ANO10: variants seen among roughly 807,000 people sequenced by gnomAD.
ANO10 encodes the protein anoctamin 10.
In ANO10, 77 loss-of-function variants were observed where a neutral mutation model predicts 74.7. The observed-to-expected ratio is 1.03, with a 90% confidence interval of 0.86 to 1.25. The LOEUF (loss-of-function observed/expected upper bound fraction) is 1.25, where lower values mean the gene tolerates loss of function less well. ANO10 is among the 50% of genes most tolerant of loss of function. The pLI is 0.00. For synonymous variants in ANO10, 279 were observed against 284.9 expected, an observed-to-expected ratio of 0.98 and a Z score of 0.21; for missense variants, 721 against 778.1, an observed-to-expected ratio of 0.93 and a Z score of 0.87.
chr3:43,660,385 TGAAGA>T (rs1190377065), intron 1 of ANO10, among the ~76,000 whole-genome samples: 1 of 151,846 alleles, frequency 6.6e-6, no homozygotes, highest in East Asian at 1.9e-4. Flanking sequence ...GAAAAATAAG[TGAAGA>T]GAAGAGCTTA....
rs756341290 is a variant in ANO10, at chr3:43,432,736, A to G, written c.1798-9T>C. 6.4e-7 allele frequency: 1 copy of G among 1,563,402 alleles called. No homozygotes were observed. The highest frequency in any genetic ancestry group is 8.8e-7 in the Non-Finnish European group (1 of 1,134,068). On this transcript the variant is annotated splice_polypyrimidine_tract_variant and intron_variant, in intron 11 of 12. Transcript: ENST00000292246. ...AAAGCCAGGAGTGCGTGCTGAAAAC[A>G]AGAAAGAGTACATGTTGATGTGATA...
chr3:43,683,758 C>G (rs1472024474), intron 1 of ANO10, among the ~76,000 whole-genome samples: 2 of 151,948 alleles, frequency 1.3e-5, no homozygotes, highest in East Asian at 3.9e-4. Flanking sequence ...CAGAACAGAG[C>G]CCTCAGAAAT....
At chr3:43,392,622 A>T (rs1228951783) in intron 12 of ANO10, among the ~76,000 whole-genome samples, 5 of 152,204 alleles carry the variant, frequency 3.3e-5, no homozygotes, top group African/African-American at 4.8e-5. Flanking sequence ...TATGTGAGTA[A>T]ATCTAAGGGA....
chr3:43,555,502 T>C, intron 9 of ANO10, 33 bp from the exon 10 acceptor site: 1 of 1,592,844 alleles, frequency 6.3e-7, no homozygotes, highest in Non-Finnish European at 8.6e-7. Flanking sequence ...ATTATTTTAA[T>C]ATCATACAAT....
chr3:43,451,862 T>G (rs542477167), intron 11 of ANO10, among the ~76,000 whole-genome samples: 114 of 152,242 alleles, frequency 7.5e-4, no homozygotes, highest in African/African-American at 2.6e-3. Flanking sequence ...CACAAAAGAT[T>G]TTTGGAACTC....
In ANO10 at chr3:43,518,176, G is replaced by A. The variant is rs548621359; in HGVS notation, c.1797+31544C>T. 5.3e-5 allele frequency among the ~76,000 whole-genome samples: 8 copies of A among 152,230 alleles called. No homozygotes were observed. In the South Asian group the frequency reaches 1.7e-3, roughly 32 times the overall value. On this transcript the variant is annotated intron_variant, in intron 11 of 12. Coordinates refer to ENST00000292246, the MANE Select transcript of ANO10 (RefSeq NM_018075.5). ...GGGACCTGCTGAAGCTGTGACAGAAGAACATAAATTGTGAAGATTTCATGG... is the reference window on the plus strand; with the variant it reads ...GGGACCTGCTGAAGCTGTGACAGAAAAACATAAATTGTGAAGATTTCATGG...
In ANO10 at chr3:43,366,833, C is replaced by T. The variant is rs774571169; in HGVS notation, c.*73G>A. ...GGAGCCACGATGCTGCCCCGGGTAC[C>T]CCCCCTGCCACCGTGGCAGGTGTGG... On this transcript the variant is annotated 3_prime_UTR_variant, in exon 13 of 13. Transcript: ENST00000292246. 2.0e-5 allele frequency: 29 copies of T among 1,462,638 alleles called. No individual in the cohort carries two copies. Among genetic ancestry groups the T allele is most frequent in the African/African-American group, 2.8e-5 (2 of 71,122 alleles). 90.6% of individuals were successfully genotyped at this position (1,462,638 alleles called of 1,614,324 possible).
chr3:43,655,172 T>C (rs1481672228), intron 1 of ANO10, among the ~76,000 whole-genome samples: 1 of 152,230 alleles, frequency 6.6e-6, no homozygotes, highest in Non-Finnish European at 1.5e-5. Flanking sequence ...TTTCACTCTT[T>C]ACAGGTAATA....
chr3:43,666,596 ATATC>A (rs2083995509), intron 1 of ANO10, among the ~76,000 whole-genome samples: 1 of 152,186 alleles, frequency 6.6e-6, no homozygotes, highest in Admixed American at 6.5e-5. Context: ...TCAATCATAG[ATATC>A]TATCAATATT....
chr3:43,547,884 CA>C (rs1003878205), intron 11 of ANO10, among the ~76,000 whole-genome samples: 10 of 152,254 alleles, frequency 6.6e-5, no homozygotes, highest in Non-Finnish European at 8.8e-5. Context: ...GGGCAAAAAT[CA>C]AGATGTAGAC....
chr3:43,496,620 T>G (rs1037817006), intron 11 of ANO10, among the ~76,000 whole-genome samples: 6 of 152,072 alleles, frequency 3.9e-5, no homozygotes, highest in East Asian at 3.9e-4. Context: ...ATATATTTTT[T>G]GGGGGTGGGG....
intron 10 of ANO10, among the ~76,000 whole-genome samples, chr3:43,551,319 T>A (rs955859836): frequency 6.6e-6 from 1 of 152,250 alleles, no homozygotes; most frequent in African/African-American, 2.4e-5. Flanking sequence ...ACCAGCAGCA[T>A]ATGACAGTGC....
At chr3:43,675,071 A>G (rs895983265) in intron 1 of ANO10, among the ~76,000 whole-genome samples, 4 of 152,216 alleles carry the variant, frequency 2.6e-5, no homozygotes, top group Non-Finnish European at 4.4e-5. Flanking sequence ...CACATCTCAC[A>G]TACTAAATAA....
intron 11 of ANO10, among the ~76,000 whole-genome samples, chr3:43,454,928 GAAAGGGAA>G (rs1403044938): frequency 1.3e-5 from 2 of 152,164 alleles, no homozygotes; most frequent in African/African-American, 4.8e-5. Flanking sequence ...TGATCCTATA[GAAAGGGAA>G]AAAGACAATG....
At chr3:43,592,740 C>G (rs189684884) in intron 4 of ANO10, among the ~76,000 whole-genome samples, 129 of 152,306 alleles carry the variant, frequency 8.5e-4, no homozygotes, top group African/African-American at 2.8e-3. Flanking sequence ...AACAAAGCTG[C>G]ACAGAGAATG....
intron 11 of ANO10, among the ~76,000 whole-genome samples, chr3:43,478,235 T>G (rs2076147681): frequency 6.6e-6 from 1 of 152,170 alleles, no homozygotes; most frequent in South Asian, 2.1e-4. Flanking sequence ...TCAGAACAGA[T>G]GCCTTAAAAT....
intron 11 of ANO10, chr3:43,485,380 G>T: frequency 2.2e-6 from 1 of 448,650 alleles, no homozygotes; most frequent in Non-Finnish European, 4.1e-6. Context: ...CTCCTGATCG[G>T]GCTAAAGACT....
At chr3:43,453,617 A>G (rs1189448371) in intron 11 of ANO10, among the ~76,000 whole-genome samples, 2 of 152,128 alleles carry the variant, frequency 1.3e-5, no homozygotes, top group African/African-American at 4.8e-5. Flanking sequence ...TCTTTGATCT[A>G]TTTTGAGTTA....
At chr3:43,635,756 A>ATT (rs1352168194) in intron 1 of ANO10, among the ~76,000 whole-genome samples, 1 of 151,852 alleles carries the variant, frequency 6.6e-6, no homozygotes, top group African/African-American at 2.4e-5. Flanking sequence ...AGTAGCTGGG[A>ATT]CTACAGACGC....
Sources: gnomAD v4.1 joint callset for allele counts (sites outside exome capture counted in the v4.1 genomes callset) on GRCh38, gnomAD v4.1.1 for gene constraint, MANE v1.5 for transcripts, NCBI Gene and HGNC (gene_info 2026-07-23, HGNC 2026-07-21) for gene names.